Variants in DDX31 observed in about 807,000 individuals in gnomAD.
DDX31 encodes ATP-dependent DNA helicase DDX31.
DDX31 carries 70 observed loss-of-function variants against 91.3 expected under a neutral mutation model. The ratio of observed to expected loss-of-function variants is 0.77; its 90% CI spans 0.63 to 0.94. The LOEUF is 0.94. DDX31 is among the 40% of genes least tolerant of loss of function. The probability of loss-of-function intolerance (pLI) is 0.00; values close to 1 mark genes in which losing one functional copy is unlikely to be tolerated. For synonymous variants in DDX31, 362 were observed against 350.6 expected (o/e 1.03, Z -0.36); for missense variants, 902 against 925.0 (o/e 0.98, Z 0.32).
chr9:132,625,138 G>A (rs1371665795), intron 17 of DDX31, among the ~76,000 whole-genome samples: 1 of 152,108 alleles, frequency 6.6e-6, no homozygotes, highest in Non-Finnish European at 1.5e-5. Context: ...GCCTGCACCT[G>A]CTCAGAATCT....
At chr9:132,655,601 T>A (rs1054536541) in intron 6 of DDX31, among the ~76,000 whole-genome samples, 6 of 152,160 alleles carry the variant, frequency 3.9e-5, no homozygotes, top group African/African-American at 1.4e-4. Context: ...ACTTTACTTT[T>A]CGCTATATAT....
At chr9:132,655,067 T>G (rs1019062006) in intron 6 of DDX31, among the ~76,000 whole-genome samples, 2 of 152,128 alleles carry the variant, frequency 1.3e-5, no homozygotes, top group Non-Finnish European at 2.9e-5. Flanking sequence ...CCCTTTCAAG[T>G]TTAATGTTGG....
intron 17 of DDX31, among the ~76,000 whole-genome samples, chr9:132,623,317 G>C (rs916920073): frequency 2.6e-5 from 4 of 151,898 alleles, no homozygotes; most frequent in East Asian, 1.9e-4. Context: ...CAGCACTTTG[G>C]GAGGCTGAGG....
intron 15 of DDX31, among the ~76,000 whole-genome samples, chr9:132,631,813 G>A (rs1178367413): frequency 6.6e-6 from 1 of 152,162 alleles, no homozygotes; most frequent in Non-Finnish European, 1.5e-5. Flanking sequence ...AGGAGAGCCT[G>A]CCACCTCCCT....
At chr9:132,654,153 C>T (rs558956393) in intron 6 of DDX31, among the ~76,000 whole-genome samples, 3 of 152,172 alleles carry the variant, frequency 2.0e-5, no homozygotes, top group Admixed American at 6.5e-5. Context: ...AACACTGATA[C>T]GTTTTATTAC....
chr9:132,642,663 C>T (rs1242436185), intron 13 of DDX31, among the ~76,000 whole-genome samples: 2 of 151,720 alleles, frequency 1.3e-5, no homozygotes, highest in African/African-American at 4.8e-5. Flanking sequence ...AGGCATCCTA[C>T]TATTTATACT....
At chr9:132,602,694 G>T (rs1235144525) in intron 19 of DDX31, among the ~76,000 whole-genome samples, 1 of 152,138 alleles carries the variant, frequency 6.6e-6, no homozygotes. Context: ...ACCCACTCTT[G>T]GAAGTTTGGC....
chr9:132,630,723 C>T (rs1832669529), intron 15 of DDX31, among the ~76,000 whole-genome samples: 1 of 152,260 alleles, frequency 6.6e-6, no homozygotes, highest in Non-Finnish European at 1.5e-5. Flanking sequence ...ACTGTGGTGA[C>T]TGGATGAGGT....
chr9:132,666,500 T>C (rs1297314315), intron 1 of DDX31, among the ~76,000 whole-genome samples: 4 of 151,844 alleles, frequency 2.6e-5, no homozygotes, highest in African/African-American at 9.7e-5. Context: ...CTATAATAAA[T>C]TTGTATTAAT....
At chr9:132,631,282 A>C (rs186340954) in intron 15 of DDX31, among the ~76,000 whole-genome samples, 1 of 152,300 alleles carries the variant, frequency 6.6e-6, no homozygotes, top group East Asian at 1.9e-4. Flanking sequence ...TATAAGCTCT[A>C]AATGATCAAT....
At chr9:132,669,379 A>C (rs897542374) in intron 1 of DDX31, among the ~76,000 whole-genome samples, 15 of 152,024 alleles carry the variant, frequency 9.9e-5, no homozygotes, top group Admixed American at 9.8e-4. Context: ...TTGGAAAGTA[A>C]GTCACGATAT....
chr9:132,650,401 G>A (rs1834113591), intron 8 of DDX31, 103 bp from the exon 9 acceptor site: 2 of 1,066,198 alleles, frequency 1.9e-6, no homozygotes, highest in Admixed American at 1.9e-5. Flanking sequence ...GGAGAAAACT[G>A]GTGCTTCTCA....
At chr9:132,601,771 A>T (rs1003089048) in intron 19 of DDX31, among the ~76,000 whole-genome samples, 1 of 152,210 alleles carries the variant, frequency 6.6e-6, no homozygotes, top group South Asian at 2.1e-4. Context: ...GGCACACCAG[A>T]AACAAGCCCC....
intron 3 of DDX31, among the ~76,000 whole-genome samples, chr9:132,661,939 AGCTGTTT>A: frequency 6.6e-6 from 1 of 152,182 alleles, no homozygotes; most frequent in Admixed American, 6.5e-5. Context: ...GTAAATAGGG[AGCTGTTT>A]TAAGTTTAGC....
At chr9:132,659,641 A>G in intron 5 of DDX31, 69 bp downstream of exon 5, 2 of 1,505,508 alleles carry the variant, frequency 1.3e-6, no homozygotes, top group Admixed American at 1.9e-5. Context: ...CAGACACCGC[A>G]TGGCAAAACC....
chr9:132,628,975 G>A (rs1353985682), intron 16 of DDX31, among the ~76,000 whole-genome samples: 1 of 152,258 alleles, frequency 6.6e-6, no homozygotes, highest in African/African-American at 2.4e-5. Context: ...GGAGGAAAAG[G>A]AAACTGGCTG....
Position 132,596,889 on chromosome 9 carries a change from G to A in DDX31, c.1995-1777C>T, listed in dbSNP as rs568963801. Among the ~76,000 whole-genome samples the A allele has an allele frequency of 6.6e-5, 10 of 152,250 alleles. No homozygotes were observed. In the East Asian group the frequency reaches 1.9e-3, roughly 29 times the overall value. ...GACAGCAGAGCTGCAGGGTGGAGGA[G>A]GGAGAAGCCAGGGTTGGAACTTGAC... On this transcript the variant is annotated intron_variant, in intron 19 of 19. Transcript: ENST00000372159.
intron 19 of DDX31, among the ~76,000 whole-genome samples, chr9:132,608,936 T>C (rs1022650800): frequency 2.0e-5 from 3 of 152,154 alleles, no homozygotes; most frequent in Admixed American, 1.3e-4. Context: ...ACCACAATTA[T>C]ACGGTCCATG....
chr9:132,634,357 C>G (rs1832970417), intron 14 of DDX31, among the ~76,000 whole-genome samples: 2 of 152,104 alleles, frequency 1.3e-5, no homozygotes, highest in Admixed American at 1.3e-4. Context: ...TCTATCTACG[C>G]ATGCCCACGC....
Sources: allele counts gnomAD v4.1 joint callset (sites outside exome capture counted in the v4.1 genomes callset), GRCh38; gene constraint gnomAD v4.1.1; transcripts MANE v1.5; gene names NCBI Gene and HGNC (gene_info 2026-07-23, HGNC 2026-07-21).